ZSWIM6: variants seen among roughly 807,000 people sequenced by gnomAD.
The protein encoded by ZSWIM6 is zinc finger SWIM domain-containing protein 6.
In ZSWIM6, 9 loss-of-function variants were observed where a neutral mutation model predicts 113.2. The ratio of observed to expected loss-of-function variants is 0.08; its 90% CI spans 0.05 to 0.14. The LOEUF is 0.14. ZSWIM6 is among the 10% of genes least tolerant of loss of function. ZSWIM6 has a pLI of 1.00. For synonymous variants in ZSWIM6, 611 were observed against 606.5 expected (o/e 1.01, Z -0.11); for missense variants, 1,162 against 1,552.2 (o/e 0.75, Z 4.22).
intron 4 of ZSWIM6, among the ~76,000 whole-genome samples, chr5:61,500,582 A>G (rs1361263060): frequency 6.6e-6 from 1 of 152,152 alleles, no homozygotes; most frequent in Admixed American, 6.6e-5. Flanking sequence ...CCTGACTACC[A>G]TAGTCCGCTG....
At position 61,521,549 on chromosome 5, in the gene ZSWIM6, G is replaced by C. The variant is rs543627650; in HGVS notation, c.1513+107G>C. The C allele has an allele frequency of 1.5e-4, 139 of 940,660 alleles. No individual in the cohort carries two copies. The African/African-American group carries it at 2.2e-3, about 15-fold the overall frequency. 58.3% of individuals were successfully genotyped at this position (940,660 alleles called of 1,614,324 possible). A position where few individuals can be genotyped will look rare whatever the true frequency, so the allele number is the denominator to read the frequency against. The stretch of plus-strand genomic sequence containing the variant: ...TGGGAAAATGATTTTACCAACTTAA[G>C]AACTTACAACTCCAGTACTTAATAT... On this transcript the variant is annotated intron_variant, in intron 5 of 13. Transcript: ENST00000252744.
intron 1 of ZSWIM6, among the ~76,000 whole-genome samples, chr5:61,353,867 G>C (rs1364358298): frequency 6.6e-6 from 1 of 152,230 alleles, no homozygotes; most frequent in African/African-American, 2.4e-5. Flanking sequence ...CAAGCTGTGT[G>C]AGGCAGTAGA....
intron 1 of ZSWIM6, among the ~76,000 whole-genome samples, chr5:61,392,588 A>C (rs1334960823): frequency 1.3e-5 from 2 of 152,146 alleles, no homozygotes; most frequent in Non-Finnish European, 2.9e-5. Context: ...AAGTTATATA[A>C]CTTCACATTC....
intron 1 of ZSWIM6, among the ~76,000 whole-genome samples, chr5:61,390,209 A>T (rs1201704759): frequency 6.6e-6 from 1 of 152,172 alleles, no homozygotes; most frequent in Non-Finnish European, 1.5e-5. Context: ...AGAGTAATCT[A>T]CCATATTTGT....
chr5:61,460,906 A>G (rs1297868627), intron 1 of ZSWIM6, among the ~76,000 whole-genome samples: 1 of 152,062 alleles, frequency 6.6e-6, no homozygotes, highest in South Asian at 2.1e-4. Flanking sequence ...TATATTTTGC[A>G]TAGATAAACC....
intron 1 of ZSWIM6, among the ~76,000 whole-genome samples, chr5:61,430,240 C>T (rs927588610): frequency 2.6e-5 from 4 of 152,084 alleles, no homozygotes; most frequent in South Asian, 2.1e-4. Context: ...ATTTTATCAG[C>T]TAGTTTCATG....
intron 1 of ZSWIM6, among the ~76,000 whole-genome samples, chr5:61,447,671 G>T (rs1005878950): frequency 7.9e-5 from 12 of 152,176 alleles, no homozygotes; most frequent in African/African-American, 2.9e-4. Flanking sequence ...TGCAGCAGCT[G>T]ACCGGCAAGC....
chr5:61,420,457 C>G (rs143986781), intron 1 of ZSWIM6, among the ~76,000 whole-genome samples: 154 of 152,138 alleles, frequency 1.0e-3, no homozygotes, highest in African/African-American at 3.7e-3. Context: ...GTTCTCCATA[C>G]AGAAGTTTCT....
At chr5:61,457,819 A>C (rs924538345) in intron 1 of ZSWIM6, among the ~76,000 whole-genome samples, 1 of 152,154 alleles carries the variant, frequency 6.6e-6, no homozygotes, top group African/African-American at 2.4e-5. Flanking sequence ...CGCTGCACCC[A>C]GCCCCATATA....
At chr5:61,513,221 T>C (rs900976689) in intron 4 of ZSWIM6, among the ~76,000 whole-genome samples, 1 of 152,150 alleles carries the variant, frequency 6.6e-6, no homozygotes, top group Non-Finnish European at 1.5e-5. Flanking sequence ...TGGAATATTA[T>C]AGTATGTAGC....
chr5:61,464,065 C>T (rs1442614603), intron 1 of ZSWIM6, among the ~76,000 whole-genome samples: 1 of 151,218 alleles, frequency 6.6e-6, no homozygotes, highest in Non-Finnish European at 1.5e-5. Context: ...CAATCTAGCT[C>T]ACTGCAGCCT....
chr5:61,494,332 G>A lies in ZSWIM6; in HGVS notation c.1255G>A (p.Ala419Thr). ...GACCTTGATAACAGAGCAATTCATG[G>A]CTGACCCTCGCCTGTCACTTTGGCG... The part of the protein sequence containing the change: ...MLTLITEQFM[A>T]DPRLSLWRQQ... Residue 419 changes from alanine to threonine, a missense_variant, in exon 4 of 14, where the codon GCT becomes ACT. Ala to Thr is a moderately conservative substitution (Grantham distance 58). Transcript: ENST00000252744. 1.3e-6 allele frequency: 2 copies of A among 1,551,138 alleles called. No homozygotes were observed. Among genetic ancestry groups the A allele is most frequent in the Admixed American group, 2.0e-5 (1 of 50,966 alleles).
chr5:61,345,215 A>G (rs1199735820), intron 1 of ZSWIM6, among the ~76,000 whole-genome samples: 2 of 152,192 alleles, frequency 1.3e-5, no homozygotes, highest in African/African-American at 4.8e-5. Flanking sequence ...TTTTTCCTAC[A>G]GTTATCCCTG....
chr5:61,339,419 A>C (rs1464021737), intron 1 of ZSWIM6, among the ~76,000 whole-genome samples: 1 of 152,228 alleles, frequency 6.6e-6, no homozygotes, highest in Non-Finnish European at 1.5e-5. Flanking sequence ...TCTCAAAAAA[A>C]AAATCACATG....
At position 61,539,497 on chromosome 5, in the gene ZSWIM6, C is replaced by A; in HGVS notation, c.2540-99C>A. ...TTATGTTTTGTTTTGTTTCTTTTTT[C>A]CCCCTCTGTGTGTGTGTATGGTTGT... On this transcript the variant is annotated intron_variant, in intron 11 of 13. Transcript: ENST00000252744. The A allele has an allele frequency of 3.8e-6, 5 of 1,319,682 alleles. 1 individual carries two copies. The South Asian group carries it at 8.5e-5, about 22-fold the overall frequency. The allele number at this position is 1,319,682 out of a possible 1,614,324, so 81.7% of individuals were successfully genotyped here. A position where few individuals can be genotyped will look rare whatever the true frequency, so the allele number is the denominator to read the frequency against.
intron 2 of ZSWIM6, among the ~76,000 whole-genome samples, chr5:61,481,629 G>A: frequency 6.6e-6 from 1 of 151,946 alleles, no homozygotes; most frequent in Non-Finnish European, 1.5e-5. Flanking sequence ...GGGCAAGCAA[G>A]TTTGATGTTG....
At chr5:61,476,562 C>T (rs770846672) in intron 2 of ZSWIM6, among the ~76,000 whole-genome samples, 12 of 152,080 alleles carry the variant, frequency 7.9e-5, no homozygotes, top group East Asian at 1.9e-4. Context: ...AATGGCCCAC[C>T]AAGGAGATTG....
chr5:61,419,950 C>G (rs1049882659), intron 1 of ZSWIM6, among the ~76,000 whole-genome samples: 1 of 152,154 alleles, frequency 6.6e-6, no homozygotes, highest in Admixed American at 6.6e-5. Flanking sequence ...CCAACTTTGC[C>G]CTTTACTAGA....
chr5:61,469,044 A>G (rs577346059), intron 1 of ZSWIM6, among the ~76,000 whole-genome samples: 2 of 152,322 alleles, frequency 1.3e-5, no homozygotes, highest in African/African-American at 4.8e-5. Flanking sequence ...TAGGCCTCAG[A>G]GCATTAAATA....
Sources: gnomAD v4.1 joint callset for allele counts (sites outside exome capture counted in the v4.1 genomes callset) on GRCh38, gnomAD v4.1.1 for gene constraint, MANE v1.5 for transcripts, NCBI Gene and HGNC (gene_info 2026-07-23, HGNC 2026-07-21) for gene names.